The following CNTLN variants were observed in gnomAD, a reference collection of about 807,000 sequenced individuals.
CNTLN encodes centlein, centrosomal protein.
CNTLN carries 212 observed loss-of-function variants against 180.0 expected under a neutral mutation model. That is an observed-to-expected ratio of 1.18 (90% confidence interval 1.05 to 1.32). The LOEUF is 1.32. Ranked by LOEUF, CNTLN falls within the 40% of genes most tolerant of loss-of-function variation. The pLI is 0.00. For synonymous variants in CNTLN, 722 were observed against 563.1 expected (o/e 1.28, Z -3.99); for missense variants, 2,095 against 1,610.9 (o/e 1.30, Z -5.14).
intron 7 of CNTLN, chr9:17,300,877 C>A: frequency 1.7e-6 from 1 of 581,064 alleles, no homozygotes; most frequent in Non-Finnish European, 2.2e-6. Context: ...TACTTTCTTC[C>A]AGTGCCTGAA....
chr9:17,465,705 A>G (rs1831708457), intron 21 of CNTLN, among the ~76,000 whole-genome samples: 1 of 151,218 alleles, frequency 6.6e-6, no homozygotes, highest in Admixed American at 6.6e-5. Flanking sequence ...TAATTAATGG[A>G]TATGTAGTGA....
intron 16 of CNTLN, among the ~76,000 whole-genome samples, chr9:17,410,919 A>G (rs988107119): frequency 6.6e-6 from 1 of 152,160 alleles, no homozygotes; most frequent in Non-Finnish European, 1.5e-5. Flanking sequence ...ACATTTTAGT[A>G]GTCTTGATTG....
intron 7 of CNTLN, among the ~76,000 whole-genome samples, chr9:17,303,637 G>A (rs1759452): frequency 0.2 from 30,328 of 151,846 alleles, 3,731 homozygotes; most frequent in African/African-American, 0.34. Flanking sequence ...TTTGTCAGGT[G>A]TGTTATTGTT....
intron 24 of CNTLN, 139 bp from the exon 25 acceptor site, chr9:17,486,850 A>G: frequency 1.7e-6 from 1 of 573,006 alleles, no homozygotes; most frequent in Non-Finnish European, 3.1e-6. Context: ...GGACTTAAAT[A>G]TTTCTACTTT....
At chr9:17,379,111 A>T (rs991123426) in intron 13 of CNTLN, among the ~76,000 whole-genome samples, 5 of 151,432 alleles carry the variant, frequency 3.3e-5, no homozygotes, top group African/African-American at 9.7e-5. Flanking sequence ...ATTGTTTCTG[A>T]TAAGAATTCT....
At chr9:17,367,984 T>A (rs574915126) in intron 13 of CNTLN, among the ~76,000 whole-genome samples, 1 of 152,156 alleles carries the variant, frequency 6.6e-6, no homozygotes, top group East Asian at 1.9e-4. Flanking sequence ...TAAAGGGTAA[T>A]TTGTCTTGCA....
In CNTLN at chr9:17,352,455, G is replaced by T. The variant is rs541866653; in HGVS notation, c.1886+10011G>T. 4.0e-4 allele frequency among the ~76,000 whole-genome samples: 58 copies of T among 145,762 alleles called. 1 individual carries two copies. The highest frequency in any genetic ancestry group is 1.4e-3 in the African/African-American group (54 of 39,662). ...TGGTATGTAGAAATGAGGATTTTAGGAACTGCATTTTTCTGAGATGGAAAG... is the reference window on the plus strand; with the variant it reads ...TGGTATGTAGAAATGAGGATTTTAGTAACTGCATTTTTCTGAGATGGAAAG... On this transcript the variant is annotated intron_variant, in intron 12 of 25. Coordinates refer to ENST00000380647, the MANE Select transcript of CNTLN (RefSeq NM_017738.4).
At chr9:17,432,888 G>T (rs1180840618) in intron 18 of CNTLN, among the ~76,000 whole-genome samples, 1 of 151,950 alleles carries the variant, frequency 6.6e-6, no homozygotes, top group Non-Finnish European at 1.5e-5. Context: ...GGGCATGGTG[G>T]CATGTGCCTG....
intron 2 of CNTLN, among the ~76,000 whole-genome samples, chr9:17,216,321 T>G (rs1823750543): frequency 6.6e-6 from 1 of 152,204 alleles, no homozygotes; most frequent in Admixed American, 6.5e-5. Context: ...CTTTTTAATA[T>G]TCTGTACTTT....
chr9:17,274,577 CATGT>C (rs957559556), intron 6 of CNTLN, among the ~76,000 whole-genome samples: 4 of 151,836 alleles, frequency 2.6e-5, no homozygotes, highest in African/African-American at 9.7e-5. Flanking sequence ...ATTTTGCATG[CATGT>C]GTTTATTTAT....
intron 7 of CNTLN, chr9:17,301,564 G>A (rs1818354177): frequency 3.0e-6 from 3 of 984,530 alleles, no homozygotes; most frequent in South Asian, 9.4e-5. Flanking sequence ...GTGGGAGTAG[G>A]GGGCTTCACT....
At chr9:17,269,264 C>A (rs141795074) in intron 5 of CNTLN, among the ~76,000 whole-genome samples, 3 of 152,000 alleles carry the variant, frequency 2.0e-5, no homozygotes, top group Non-Finnish European at 4.4e-5. Flanking sequence ...TTTAATTAAC[C>A]ACTACTCTAA....
rs757459287 is a variant in CNTLN, at chr9:17,394,789, G to A, written c.2335G>A (p.Ala779Thr). Residue 779 changes from alanine to threonine, a missense_variant, in exon 15 of 26, where the codon GCA becomes ACA. Coordinates refer to ENST00000380647, the MANE Select transcript of CNTLN (RefSeq NM_017738.4). ...AGTCACTTCCCTGAGGAGACAAGTGGCAGAAGCTAATGCATTGAGAAATGA... is the reference window on the plus strand; with the variant it reads ...AGTCACTTCCCTGAGGAGACAAGTGACAGAAGCTAATGCATTGAGAAATGA... ...TEVTSLRRQV[A>T]EANALRNENE... 2 of 1,613,954 alleles carry A rather than the reference G, an allele frequency of 1.2e-6. No individual in the cohort carries two copies. Among genetic ancestry groups the A allele is most frequent in the South Asian group, 1.1e-5 (1 of 91,074 alleles).
intron 13 of CNTLN, among the ~76,000 whole-genome samples, chr9:17,368,562 G>A (rs572703556): frequency 6.6e-6 from 1 of 152,302 alleles, no homozygotes; most frequent in South Asian, 2.1e-4. Flanking sequence ...ATATACTGGT[G>A]TCAGTTCTGA....
At chr9:17,205,211 G>A (rs891671591) in intron 2 of CNTLN, among the ~76,000 whole-genome samples, 1 of 152,192 alleles carries the variant, frequency 6.6e-6, no homozygotes, top group African/African-American at 2.4e-5. Context: ...TGTGGGAAAC[G>A]TGAGAGGGGA....
chr9:17,233,833 A>G (rs1824966271), intron 3 of CNTLN, among the ~76,000 whole-genome samples: 1 of 152,190 alleles, frequency 6.6e-6, no homozygotes, highest in African/African-American at 2.4e-5. Flanking sequence ...GCAAAACTAT[A>G]CAGCATATTA....
intron 18 of CNTLN, among the ~76,000 whole-genome samples, chr9:17,438,258 G>T (rs1481848477): frequency 3.3e-5 from 5 of 151,964 alleles, no homozygotes; most frequent in Non-Finnish European, 7.4e-5. Flanking sequence ...TTGAATGCAA[G>T]CAACTAGATA....
chr9:17,431,894 T>C (rs2133984524), intron 18 of CNTLN, among the ~76,000 whole-genome samples: 1 of 152,202 alleles, frequency 6.6e-6, no homozygotes, highest in East Asian at 1.9e-4. Context: ...AACAAATATA[T>C]TTCATAAACT....
intron 12 of CNTLN, among the ~76,000 whole-genome samples, chr9:17,364,693 G>A (rs184998023): frequency 6.6e-6 from 1 of 152,152 alleles, no homozygotes; most frequent in African/African-American, 2.4e-5. Flanking sequence ...CTCCATGCTT[G>A]ACTCGAGAAT....
Sources: gnomAD v4.1 joint callset for allele counts (sites outside exome capture counted in the v4.1 genomes callset) on GRCh38, gnomAD v4.1.1 for gene constraint, MANE v1.5 for transcripts, NCBI Gene and HGNC (gene_info 2026-07-23, HGNC 2026-07-21) for gene names.